ABI2: variants seen among roughly 807,000 people sequenced by gnomAD.
The protein encoded by ABI2 is abelson interactor 2.
Under a neutral mutation model 59.2 loss-of-function variants are expected in ABI2, and 25 were observed. The ratio of observed to expected loss-of-function variants is 0.42; its 90% CI spans 0.31 to 0.59. The LOEUF (loss-of-function observed/expected upper bound fraction) is 0.59. ABI2 is among the 20% of genes least tolerant of loss of function. The probability of loss-of-function intolerance (pLI) is 0.14; values close to 1 mark genes in which losing one functional copy is unlikely to be tolerated. For synonymous variants in ABI2, 213 were observed against 235.5 expected (o/e 0.90, Z 0.87); for missense variants, 545 against 681.8 (o/e 0.80, Z 2.23).
chr2:203,353,180 G>C (rs1388949085), intron 1 of ABI2, among the ~76,000 whole-genome samples: 2 of 152,008 alleles, frequency 1.3e-5, no homozygotes, highest in African/African-American at 4.8e-5. Flanking sequence ...TTTCTGTTGT[G>C]AATGGAATTT....
intron 1 of ABI2, among the ~76,000 whole-genome samples, chr2:203,331,370 T>TTTTTTC (rs1446248974): frequency 7.4e-5 from 11 of 147,876 alleles, no homozygotes; most frequent in Middle Eastern, 3.2e-3. Flanking sequence ...TTTTTTTTTC[T>TTTTTTC]GAGACAGAGT....
intron 9 of ABI2, among the ~76,000 whole-genome samples, chr2:203,404,004 C>T (rs1290800882): frequency 6.6e-6 from 1 of 152,042 alleles, no homozygotes; most frequent in East Asian, 1.9e-4. Flanking sequence ...TCACCCACCT[C>T]AGCCTCCCAA....
intron 9 of ABI2, chr2:203,403,363 T>C (rs1214718254): frequency 6.5e-6 from 1 of 154,814 alleles, no homozygotes; most frequent in Non-Finnish European, 1.5e-5. Flanking sequence ...GTGGACATGG[T>C]ATGTCAACTT....
At chr2:203,356,629 G>A (rs567588066) in intron 1 of ABI2, among the ~76,000 whole-genome samples, 53 of 152,046 alleles carry the variant, frequency 3.5e-4, no homozygotes, top group Non-Finnish European at 6.6e-4. Context: ...CTTGGCCTCC[G>A]AAAGTGCTAT....
rs2098485752 is a variant in ABI2, at chr2:203,431,787, A to G, written c.*4435A>G. 6.6e-6 allele frequency: 1 copy of G among 152,192 alleles called. No individual in the cohort carries two copies. The highest frequency in any genetic ancestry group is 1.5e-5 in the Non-Finnish European group (1 of 68,038). The allele number at this position is 152,192 out of a possible 1,614,324, so 9.4% of individuals were successfully genotyped here. On this transcript the variant is annotated 3_prime_UTR_variant, in exon 12 of 12. Transcript: ENST00000261018. ...ATCTTAAGGTTTTTTGTAAGAAAAAAGAAAAACCAACAAAAAAAGCTTATT... is the reference window on the plus strand; with the variant it reads ...ATCTTAAGGTTTTTTGTAAGAAAAAGGAAAAACCAACAAAAAAAGCTTATT...
At chr2:203,370,635 T>A (rs1258125321) in intron 2 of ABI2, among the ~76,000 whole-genome samples, 1 of 152,180 alleles carries the variant, frequency 6.6e-6, no homozygotes, top group Non-Finnish European at 1.5e-5. Context: ...ATTATGATGC[T>A]TGTATTATTA....
At chr2:203,344,566 TG>T (rs1431390344) in intron 1 of ABI2, among the ~76,000 whole-genome samples, 7 of 8,090 alleles carry the variant, frequency 8.7e-4, no homozygotes, top group African/African-American at 2.2e-3. Context: ...TTGTTGTTTT[TG>T]TTTTTTTTTT....
intron 11 of ABI2, among the ~76,000 whole-genome samples, chr2:203,426,524 A>G (rs1191839925): frequency 1.3e-5 from 2 of 152,156 alleles, no homozygotes. Context: ...TTTTCTTGTC[A>G]CTTTTAGTCT....
intron 1 of ABI2, among the ~76,000 whole-genome samples, chr2:203,354,736 C>T (rs2090984488): frequency 6.6e-6 from 1 of 152,188 alleles, no homozygotes; most frequent in Non-Finnish European, 1.5e-5. Flanking sequence ...CTTGTATATG[C>T]AAGGGTTGTA....
chr2:203,385,238 TCTCCTGCCTCAAC>T (rs2096445620), intron 4 of ABI2, among the ~76,000 whole-genome samples: 1 of 149,192 alleles, frequency 6.7e-6, no homozygotes, highest in African/African-American at 2.4e-5. Context: ...TTCACGCCAT[TCTCCTGCCTCAAC>T]CTCCTGAGTA....
chr2:203,348,462 A>C (rs1408638974), intron 1 of ABI2, among the ~76,000 whole-genome samples: 2 of 152,312 alleles, frequency 1.3e-5, no homozygotes, highest in Middle Eastern at 3.4e-3. Flanking sequence ...TTACATGTGC[A>C]GCTATGAAAG....
chr2:203,360,766 A>G (rs1362102352), intron 1 of ABI2, among the ~76,000 whole-genome samples: 2 of 152,212 alleles, frequency 1.3e-5, no homozygotes, highest in Admixed American at 6.5e-5. Flanking sequence ...CAGAGATTCT[A>G]CCAATATTTA....
chr2:203,367,862 G>GTT (rs2094612617), intron 2 of ABI2, among the ~76,000 whole-genome samples: 1 of 151,962 alleles, frequency 6.6e-6, no homozygotes, highest in Non-Finnish European at 1.5e-5. Context: ...AAATTAGCCA[G>GTT]GTTTGGTGGT....
At chr2:203,349,051 G>A (rs1443272293) in intron 1 of ABI2, among the ~76,000 whole-genome samples, 1 of 151,850 alleles carries the variant, frequency 6.6e-6, no homozygotes, top group Non-Finnish European at 1.5e-5. Context: ...TCCTGCCTCA[G>A]CCTCCTGAGT....
In ABI2 at chr2:203,430,782, C is replaced by T. The variant is rs1232709946; in HGVS notation, c.*3430C>T. ...TGCTGGTGTTTATTATCCAGCTAGACAATATTTTATGCATATTTACCGTGA... is the reference window on the plus strand; with the variant it reads ...TGCTGGTGTTTATTATCCAGCTAGATAATATTTTATGCATATTTACCGTGA... On this transcript the variant is annotated 3_prime_UTR_variant, in exon 12 of 12. Transcript: ENST00000261018. The T allele has an allele frequency of 6.6e-6, 1 of 152,126 alleles. No homozygotes were observed. The highest frequency in any genetic ancestry group is 1.5e-5 in the Non-Finnish European group (1 of 68,034). 9.4% of individuals were successfully genotyped at this position (152,126 alleles called of 1,614,324 possible).
intron 1 of ABI2, among the ~76,000 whole-genome samples, chr2:203,343,736 T>C (rs2152551145): frequency 6.6e-6 from 1 of 152,372 alleles, no homozygotes; most frequent in Admixed American, 6.5e-5. Flanking sequence ...TATAGGCTCT[T>C]CTGACAAAAA....
In ABI2 at chr2:203,396,980, T is replaced by C. The variant is rs1419537338; in HGVS notation, c.1033+13T>C. The C allele has an allele frequency of 6.3e-6, 9 of 1,422,600 alleles. No homozygotes were observed. Among genetic ancestry groups the C allele is most frequent in the Non-Finnish European group, 8.3e-6 (9 of 1,089,138 alleles). The allele number at this position is 1,422,600 out of a possible 1,614,324, so 88.1% of individuals were successfully genotyped here. On this transcript the variant is annotated intron_variant, in intron 8 of 11. Coordinates refer to ENST00000261018, the MANE Select transcript of ABI2 (RefSeq NM_001375670.1). Reference sequence around the variant, plus strand: ...ACTCCCCCTACAGGTAAGTATTTGCTTATTCATTGGCAGGCAGATGCAGTC... The same window carrying C: ...ACTCCCCCTACAGGTAAGTATTTGCCTATTCATTGGCAGGCAGATGCAGTC...
intron 9 of ABI2, among the ~76,000 whole-genome samples, chr2:203,409,957 C>G (rs2097585932): frequency 6.6e-6 from 1 of 152,152 alleles, no homozygotes; most frequent in Admixed American, 6.5e-5. Context: ...TCATATCCTC[C>G]CATTGATATT....
intron 9 of ABI2, among the ~76,000 whole-genome samples, chr2:203,408,453 G>A (rs1291089485): frequency 2.0e-5 from 3 of 148,942 alleles, no homozygotes; most frequent in African/African-American, 5.0e-5. Flanking sequence ...ATGAGCCACC[G>A]TGCCTGGCTG....
Sources: gnomAD v4.1 joint callset for allele counts (sites outside exome capture counted in the v4.1 genomes callset) on GRCh38, gnomAD v4.1.1 for gene constraint, MANE v1.5 for transcripts, NCBI Gene and HGNC (gene_info 2026-07-23, HGNC 2026-07-21) for gene names.